The following RTN1 variants were observed in gnomAD, a reference collection of about 807,000 sequenced individuals.
RTN1 encodes the protein reticulon 1.
Under a neutral mutation model 65.5 loss-of-function variants are expected in RTN1, and 25 were observed. That is an observed-to-expected ratio of 0.38 (90% CI 0.28 to 0.53). The LOEUF is 0.53. Among genes scored for constraint, RTN1 ranks in the 20% least tolerant of loss-of-function variants. RTN1 has a pLI of 0.79. For synonymous variants in RTN1, 471 were observed against 447.6 expected (o/e 1.05, Z -0.66); for missense variants, 983 against 1,025.4 (o/e 0.96, Z 0.57).
chr14:59,714,472 C>T (rs975199838), intron 3 of RTN1, among the ~76,000 whole-genome samples: 2 of 152,176 alleles, frequency 1.3e-5, no homozygotes, highest in Admixed American at 6.5e-5. Context: ...GGTAGCTTTC[C>T]ACCAGGTAGT....
At chr14:59,668,446 A>G (rs1883428672) in intron 3 of RTN1, among the ~76,000 whole-genome samples, 2 of 152,216 alleles carry the variant, frequency 1.3e-5, no homozygotes, top group Non-Finnish European at 2.9e-5. Flanking sequence ...TTATACAAAA[A>G]TTAATTCAAG....
At chr14:59,629,846 G>A (rs1003750132) in intron 3 of RTN1, among the ~76,000 whole-genome samples, 5 of 152,162 alleles carry the variant, frequency 3.3e-5, no homozygotes, top group Non-Finnish European at 5.9e-5. Context: ...AGTAGTCACA[G>A]GTTACTCCAA....
chr14:59,845,699 A>C (rs1165345705), intron 1 of RTN1, among the ~76,000 whole-genome samples: 3 of 152,174 alleles, frequency 2.0e-5, no homozygotes, highest in Non-Finnish European at 4.4e-5. Context: ...CCCCTTCCCC[A>C]GGAAAATCTT....
In RTN1 at chr14:59,746,318, G is replaced by T; in HGVS notation, c.405C>A (p.Thr135=). 1 of 1,614,132 alleles carries T rather than the reference G, an allele frequency of 6.2e-7. No homozygotes were observed. The highest frequency in any genetic ancestry group is 1.3e-5 in the African/African-American group (1 of 75,022). The change falls in exon 2 of 9, where the codon ACC becomes ACA. Residue 135 remains threonine, a synonymous_variant. Transcript: ENST00000267484. ...CCAGCTCCTCAGGGCTCTCTGAAAT[G>T]GTGACGTGGCCATTTTCCTTCTGAA... ...GILQKENGHV[T]ISESPEELGT...
At chr14:59,786,654 G>A (rs1297703894) in intron 1 of RTN1, among the ~76,000 whole-genome samples, 1 of 152,074 alleles carries the variant, frequency 6.6e-6, no homozygotes, top group Non-Finnish European at 1.5e-5. Flanking sequence ...TGGGGAAGAA[G>A]GAAAAAGACA....
At chr14:59,616,301 AT>A (rs1284766965) in intron 3 of RTN1, among the ~76,000 whole-genome samples, 1 of 152,168 alleles carries the variant, frequency 6.6e-6, no homozygotes, top group Non-Finnish European at 1.5e-5. Flanking sequence ...GAGGTAACAA[AT>A]TTTCTTGTCA....
At chr14:59,682,162 T>C (rs756417241) in intron 3 of RTN1, among the ~76,000 whole-genome samples, 1 of 152,198 alleles carries the variant, frequency 6.6e-6, no homozygotes, top group Non-Finnish European at 1.5e-5. Flanking sequence ...CCTAATTCCC[T>C]GAAATCACAT....
intron 1 of RTN1, among the ~76,000 whole-genome samples, chr14:59,821,025 G>GT (rs545357801): frequency 2.0e-5 from 3 of 151,958 alleles, no homozygotes; most frequent in African/African-American, 4.8e-5. Context: ...TTTCAGAACA[G>GT]TTTTTTTTCT....
At chr14:59,837,420 A>G (rs1887232226) in intron 1 of RTN1, among the ~76,000 whole-genome samples, 1 of 152,084 alleles carries the variant, frequency 6.6e-6, no homozygotes, top group Non-Finnish European at 1.5e-5. Context: ...AAAGGAAGAA[A>G]CAGAAAGGAA....
chr14:59,749,184 C>CTATATATATCTATATATATATCTATATA, intron 1 of RTN1, among the ~76,000 whole-genome samples: 1 of 60,100 alleles, frequency 1.7e-5, no homozygotes, highest in Admixed American at 2.2e-4. Flanking sequence ...ATCTATATAT[C>CTATATATATCTATATATATATCTATATA]TATCTATATA....
intron 1 of RTN1, among the ~76,000 whole-genome samples, chr14:59,850,191 G>A (rs1420566420): frequency 6.6e-6 from 1 of 152,128 alleles, no homozygotes; most frequent in Non-Finnish European, 1.5e-5. Flanking sequence ...TTATACAGGT[G>A]CTCCTCAACT....
intron 1 of RTN1, among the ~76,000 whole-genome samples, chr14:59,809,405 A>AT (rs573795123): frequency 0.023 from 3,359 of 144,642 alleles, 97 homozygotes; most frequent in African/African-American, 0.076. Flanking sequence ...TTCTAGTGTC[A>AT]TTTTTTTTTT....
intron 8 of RTN1, among the ~76,000 whole-genome samples, chr14:59,599,117 C>T (rs1881497369): frequency 1.3e-5 from 2 of 152,176 alleles, no homozygotes; most frequent in Non-Finnish European, 2.9e-5. Context: ...ACATCATTGA[C>T]TCACATTTGG....
chr14:59,857,149 T>C (rs1277623043), intron 1 of RTN1, among the ~76,000 whole-genome samples: 1 of 152,172 alleles, frequency 6.6e-6, no homozygotes, highest in Non-Finnish European at 1.5e-5. Flanking sequence ...TAATACCATA[T>C]ATACCTAACT....
chr14:59,862,857 C>T (rs528962385), intron 1 of RTN1, among the ~76,000 whole-genome samples: 1 of 152,138 alleles, frequency 6.6e-6, no homozygotes, highest in African/African-American at 2.4e-5. Flanking sequence ...ACCTTCTCCC[C>T]TCTTCTCAAA....
chr14:59,626,749 A>G (rs1882410619), intron 3 of RTN1, among the ~76,000 whole-genome samples: 1 of 152,200 alleles, frequency 6.6e-6, no homozygotes, highest in Non-Finnish European at 1.5e-5. Flanking sequence ...AGAGTAATAA[A>G]AAAAGTCTCA....
At chr14:59,833,446 A>G (rs1173954754) in intron 1 of RTN1, among the ~76,000 whole-genome samples, 3 of 152,256 alleles carry the variant, frequency 2.0e-5, no homozygotes, top group Non-Finnish European at 4.4e-5. Context: ...AGTAATATAT[A>G]AAACTCAATT....
intron 3 of RTN1, among the ~76,000 whole-genome samples, chr14:59,608,406 G>C (rs779611813): frequency 2.4e-4 from 36 of 152,244 alleles, no homozygotes; most frequent in Middle Eastern, 3.2e-3. Context: ...GAAGACAGAA[G>C]TGATCAGGTT....
chr14:59,681,762 T>C (rs985516587), intron 3 of RTN1, among the ~76,000 whole-genome samples: 1 of 152,172 alleles, frequency 6.6e-6, no homozygotes, highest in Non-Finnish European at 1.5e-5. Context: ...TAAGCAGCCT[T>C]CTTTTTCATC....
Sources: allele counts gnomAD v4.1 joint callset (sites outside exome capture counted in the v4.1 genomes callset), GRCh38; gene constraint gnomAD v4.1.1; transcripts MANE v1.5; gene names NCBI Gene and HGNC (gene_info 2026-07-23, HGNC 2026-07-21).